SH3KBP1: variants seen among roughly 807,000 people sequenced by gnomAD.
SH3KBP1 encodes SH3 domain-containing kinase-binding protein 1.
Under a neutral mutation model 50.1 loss-of-function variants are expected in SH3KBP1, and 8 were observed. That is an observed-to-expected ratio of 0.16 (90% CI 0.09 to 0.29). SH3KBP1 has a LOEUF of 0.29. Among genes scored for constraint, SH3KBP1 ranks in the 10% least tolerant of loss-of-function variants. The pLI, the probability that SH3KBP1 is intolerant of heterozygous loss-of-function variation, is 1.00. For missense variants in SH3KBP1, 377 were observed against 535.2 expected (o/e 0.70, Z 2.92); for synonymous variants, 227 against 218.6 (o/e 1.04, Z -0.34).
chrX:19,831,412 C>CAAAAA (rs1168426297), intron 2 of SH3KBP1, among the ~76,000 whole-genome samples: 3 of 47,621 alleles, frequency 6.3e-5, no homozygotes, highest in Non-Finnish European at 8.1e-5. Context: ...CAACCCATCT[C>CAAAAA]AAAAAAAAAA....
intron 13 of SH3KBP1, among the ~76,000 whole-genome samples, chrX:19,553,788 T>C (rs762377214): frequency 1.0e-5 from 1 of 97,644 alleles, no homozygotes; most frequent in East Asian, 3.1e-4. Context: ...CACTCATGAG[T>C]AAGAGGAAGG....
At chrX:19,634,415 G>A (rs1037944624) in intron 7 of SH3KBP1, among the ~76,000 whole-genome samples, 5 of 111,398 alleles carry the variant, frequency 4.5e-5, no homozygotes, top group African/African-American at 1.3e-4. Flanking sequence ...AGAACACTTC[G>A]ACTGTGCAGC....
intron 2 of SH3KBP1, among the ~76,000 whole-genome samples, chrX:19,821,651 C>T (rs1411899572): frequency 9.1e-6 from 1 of 110,395 alleles, no homozygotes; most frequent in African/African-American, 3.3e-5. Flanking sequence ...GCCTCAGCCT[C>T]CCGAGTAGCT....
In SH3KBP1 at chrX:19,692,689, A is replaced by AT. The variant is rs1186773036; in HGVS notation, c.520+2922dup. ...TGTGTGTATGTATATATATATATAT[A>AT]TTTTTTTTTTTTTTTAATAGTCTCT... is the stretch of plus-strand genomic sequence containing the variant. On this transcript the variant is annotated intron_variant, in intron 5 of 17. Transcript: ENST00000397821. 7.8e-3 allele frequency among the ~76,000 whole-genome samples: 589 copies of AT among 75,037 alleles called. 7 individuals are homozygous for AT. Among genetic ancestry groups the AT allele is most frequent in the Admixed American group, 0.01 (63 of 6,272 alleles). The allele number at this position is 75,037 out of a possible 115,157, so 65.2% of individuals were successfully genotyped here.
intron 16 of SH3KBP1, among the ~76,000 whole-genome samples, chrX:19,538,288 T>G (rs1049319576): frequency 8.9e-6 from 1 of 112,196 alleles, no homozygotes; most frequent in Non-Finnish European, 1.9e-5. Context: ...CACTGCAGCC[T>G]CAACCTCCCA....
chrX:19,568,350 G>A (rs958391805), intron 13 of SH3KBP1, among the ~76,000 whole-genome samples: 2 of 111,757 alleles, frequency 1.8e-5, no homozygotes, highest in African/African-American at 6.5e-5. Context: ...TCTTAAAGCA[G>A]GTCATTTTCC....
At chrX:19,808,336 T>G (rs951796054) in intron 2 of SH3KBP1, among the ~76,000 whole-genome samples, 1 of 108,437 alleles carries the variant, frequency 9.2e-6, no homozygotes, top group African/African-American at 3.4e-5. Context: ...CTTAAAGACC[T>G]TTTTTTTTAG....
chrX:19,678,359 T>C (rs902588924), intron 6 of SH3KBP1, among the ~76,000 whole-genome samples: 8 of 110,244 alleles, frequency 7.3e-5, no homozygotes, highest in African/African-American at 2.6e-4. Flanking sequence ...GTTTTTTTTT[T>C]TTTTTATGAT....
intron 3 of SH3KBP1, among the ~76,000 whole-genome samples, chrX:19,735,335 C>A (rs1272908695): frequency 9.1e-6 from 1 of 109,783 alleles, no homozygotes; most frequent in Non-Finnish European, 1.9e-5. Flanking sequence ...TCATTTCCTT[C>A]TTTCTGCTTG....
chrX:19,874,812 G>A (rs1246238910), intron 1 of SH3KBP1, among the ~76,000 whole-genome samples: 1 of 104,012 alleles, frequency 9.6e-6, no homozygotes, highest in Non-Finnish European at 2.0e-5. Context: ...GAGAGGGGGT[G>A]CAGGGGAATG....
intron 6 of SH3KBP1, among the ~76,000 whole-genome samples, chrX:19,682,066 C>T (rs1210431349): frequency 3.6e-5 from 4 of 110,090 alleles, no homozygotes; most frequent in Middle Eastern, 4.7e-3. Flanking sequence ...GATGGCGCTG[C>T]CTTCAACTGA....
chrX:19,750,109 G>A lies in SH3KBP1; in HGVS notation c.163-3668C>T, dbSNP rs376379160. On this transcript the variant is annotated intron_variant, in intron 2 of 17. Coordinates refer to ENST00000397821, the MANE Select transcript of SH3KBP1 (RefSeq NM_031892.3). ...CAGTCTCACTCTGTTGCCCAGGCTG[G>A]AGTACAATGGCGTGATCTCAGTTCA... is the stretch of plus-strand genomic sequence containing the variant. 4.3e-4 allele frequency among the ~76,000 whole-genome samples: 48 copies of A among 111,324 alleles called. 2 individuals are homozygous for A. The South Asian group carries it at 0.018, about 42-fold the overall frequency.
chrX:19,750,838 A>AG (rs1474538650), intron 2 of SH3KBP1, among the ~76,000 whole-genome samples: 2 of 111,701 alleles, frequency 1.8e-5, no homozygotes, highest in African/African-American at 6.5e-5. Context: ...AAAAAAAAAA[A>AG]CAACTGATTT....
chrX:19,876,782 C>A, intron 1 of SH3KBP1, among the ~76,000 whole-genome samples: 1 of 111,494 alleles, frequency 9.0e-6, no homozygotes, highest in Non-Finnish European at 1.9e-5. Flanking sequence ...CACTTTTTCA[C>A]CTTTTGAATT....
chrX:19,569,858 C>T (rs868785976), intron 12 of SH3KBP1, among the ~76,000 whole-genome samples: 17 of 111,556 alleles, frequency 1.5e-4, no homozygotes, highest in Admixed American at 1.1e-3. Flanking sequence ...TTCTCATGCA[C>T]AAACAGAAGG....
rs749443353 is a variant in SH3KBP1, at chrX:19,695,790, A to G, written c.391-49T>C. On this transcript the variant is annotated intron_variant, in intron 4 of 17. Transcript: ENST00000397821. ...CAGAGATACATGGGTCAGGTTAGAC[A>G]TGGTGGTTTCCAATTTTGCCTCCCA... is the stretch of plus-strand genomic sequence containing the variant. 5 of 1,188,444 alleles carry G rather than the reference A, an allele frequency of 4.2e-6. No homozygotes were observed. In the South Asian group the frequency reaches 7.2e-5, roughly 17 times the overall value.
chrX:19,711,324 T>A lies in SH3KBP1; in HGVS notation c.287-4340A>T, dbSNP rs1415651611. Among the ~76,000 whole-genome samples the A allele has an allele frequency of 2.7e-5, 3 of 111,097 alleles. No homozygotes were observed. The Admixed American group carries it at 2.9e-4, about 11-fold the overall frequency. Reference sequence around the variant, plus strand: ...CCCAGATTTAATAAAATAAAGCTGGTTGGATGGGGAGGCAATGCAATTAAT... The same window carrying A: ...CCCAGATTTAATAAAATAAAGCTGGATGGATGGGGAGGCAATGCAATTAAT... On this transcript the variant is annotated intron_variant, in intron 3 of 17. Coordinates refer to ENST00000397821, the MANE Select transcript of SH3KBP1 (RefSeq NM_031892.3).
Position 19,827,272 on chromosome X carries a change from A to G in SH3KBP1, c.162+8853T>C, listed in dbSNP as rs888849166. On this transcript the variant is annotated intron_variant, in intron 2 of 17. Transcript: ENST00000397821. ...AGAGGGGAAAATGTACTTTTGCCGA[A>G]CACATACAAAAACAGGCAGAGAAAA... Among the ~76,000 whole-genome samples, 5 of 112,056 alleles carry G rather than the reference A, an allele frequency of 4.5e-5. No homozygotes were observed. In the Admixed American group the frequency reaches 4.7e-4, roughly 11 times the overall value.
intron 8 of SH3KBP1, among the ~76,000 whole-genome samples, chrX:19,617,775 G>A (rs2067662089): frequency 8.9e-6 from 1 of 112,009 alleles, no homozygotes; most frequent in Non-Finnish European, 1.9e-5. Flanking sequence ...GGTGATTCCG[G>A]CCAGCTAAGG....
Sources: allele counts gnomAD v4.1 joint callset (sites outside exome capture counted in the v4.1 genomes callset), GRCh38; gene constraint gnomAD v4.1.1; transcripts MANE v1.5; gene names NCBI Gene and HGNC (gene_info 2026-07-23, HGNC 2026-07-21).